MBD5: variants seen among roughly 807,000 people sequenced by gnomAD.
MBD5 encodes the protein methyl-CpG-binding domain protein 5.
MBD5 carries 13 observed loss-of-function variants against 117.3 expected under a neutral mutation model. The ratio of observed to expected loss-of-function variants is 0.11; its 90% CI spans 0.07 to 0.18. The LOEUF is 0.18. Among genes scored for constraint, MBD5 ranks in the 10% least tolerant of loss-of-function variants. The pLI is 1.00. For missense variants in MBD5, 1,879 were observed against 2,093.8 expected (o/e 0.90, Z 2.00); for synonymous variants, 727 against 766.4 (o/e 0.95, Z 0.85).
chr2:148,318,319 C>A (rs920069284), intron 3 of MBD5, among the ~76,000 whole-genome samples: 5 of 148,748 alleles, frequency 3.4e-5, no homozygotes, highest in African/African-American at 1.2e-4. Flanking sequence ...AATTATTTTT[C>A]TTGTGAGTTG....
At chr2:148,088,567 A>T (rs562871101) in intron 1 of MBD5, among the ~76,000 whole-genome samples, 1 of 152,312 alleles carries the variant, frequency 6.6e-6, no homozygotes, top group South Asian at 2.1e-4. Flanking sequence ...AGCCTCTTCA[A>T]ACAAAATAAT....
chr2:148,415,364 G>A lies in MBD5; in HGVS notation c.-556-42839G>A, dbSNP rs1235622588. Among the ~76,000 whole-genome samples, 3 of 152,112 alleles carry A rather than the reference G, an allele frequency of 2.0e-5. No individual in the cohort carries two copies. In the East Asian group the frequency reaches 5.8e-4, roughly 29 times the overall value. ...TTAGCCTGTTGGGGTTCCCTTTGTA[G>A]GTGACCTGCCTCTTCTCTCTTGCTG... On this transcript the variant is annotated intron_variant, in intron 4 of 13. Coordinates refer to ENST00000642680, the MANE Select transcript of MBD5 (RefSeq NM_001378120.1).
At chr2:148,230,113 A>G (rs1379822927) in intron 2 of MBD5, among the ~76,000 whole-genome samples, 1 of 152,220 alleles carries the variant, frequency 6.6e-6, no homozygotes, top group Non-Finnish European at 1.5e-5. Flanking sequence ...AAAGCCAGCC[A>G]GGCCTGTATC....
chr2:148,397,278 A>G (rs1160458206), intron 4 of MBD5, among the ~76,000 whole-genome samples: 1 of 151,274 alleles, frequency 6.6e-6, no homozygotes, highest in East Asian at 1.9e-4. Context: ...TCTCTAGCTA[A>G]TACATGAATG....
chr2:148,489,315 T>G (rs1159004335), intron 10 of MBD5, 71 bp from the exon 11 acceptor site: 4 of 1,575,864 alleles, frequency 2.5e-6, no homozygotes, highest in Middle Eastern at 3.3e-4. Context: ...AATTTTAAAA[T>G]TATAGTCTTT....
intron 1 of MBD5, among the ~76,000 whole-genome samples, chr2:148,064,560 T>A (rs560204192): frequency 2.0e-5 from 3 of 152,280 alleles, no homozygotes; most frequent in South Asian, 4.1e-4. Flanking sequence ...CTAATTTGGC[T>A]GCTAGATACC....
chr2:148,127,482 G>A (rs191001550), intron 1 of MBD5, among the ~76,000 whole-genome samples: 142 of 152,190 alleles, frequency 9.3e-4, no homozygotes, highest in African/African-American at 3.3e-3. Context: ...GAGAACATGT[G>A]GTATTTGGTT....
At chr2:148,149,923 G>A (rs1003643056) in intron 1 of MBD5, among the ~76,000 whole-genome samples, 1 of 142,272 alleles carries the variant, frequency 7.0e-6, no homozygotes, top group African/African-American at 2.6e-5. Context: ...TTCTTTTGCT[G>A]TGCAGAAGCT....
chr2:148,345,054 C>A (rs368784902), intron 4 of MBD5, among the ~76,000 whole-genome samples: 1 of 151,676 alleles, frequency 6.6e-6, no homozygotes, highest in African/African-American at 2.4e-5. Flanking sequence ...AGAAATCAAA[C>A]TTATTTAACC....
intron 4 of MBD5, among the ~76,000 whole-genome samples, chr2:148,419,643 A>C (rs539681361): frequency 1.1e-4 from 16 of 152,180 alleles, no homozygotes; most frequent in Admixed American, 3.3e-4. Flanking sequence ...TCCTGCACCA[A>C]TACTATAGCT....
rs150888519 is a variant in MBD5, at chr2:148,066,833, G to A, written c.-925+45149G>A. Among the ~76,000 whole-genome samples the A allele has an allele frequency of 3.1e-4, 47 of 152,240 alleles. 2 individuals carry two copies. In the East Asian group the frequency reaches 9.1e-3, roughly 29 times the overall value. ...TCAAGCTCTTTCTTCAATGCAGAAT[G>A]TACTTCATTTACCTGCGTTTGTCTC... On this transcript the variant is annotated intron_variant, in intron 1 of 13. Transcript: ENST00000642680.
chr2:148,194,668 C>T (rs1303670440), intron 2 of MBD5, among the ~76,000 whole-genome samples: 1 of 120,372 alleles, frequency 8.3e-6, no homozygotes. Flanking sequence ...CTAGATGACA[C>T]GTTAGTGGGT....
At chr2:148,327,144 T>C (rs946706663) in intron 3 of MBD5, among the ~76,000 whole-genome samples, 1 of 152,100 alleles carries the variant, frequency 6.6e-6, no homozygotes, top group Non-Finnish European at 1.5e-5. Context: ...TTCTTTTCTT[T>C]AAGAATGTTG....
intron 2 of MBD5, among the ~76,000 whole-genome samples, chr2:148,214,245 C>G (rs568056709): frequency 2.6e-5 from 4 of 152,262 alleles, no homozygotes; most frequent in African/African-American, 9.6e-5. Flanking sequence ...TGTGGAGCTA[C>G]TCAACTTTGC....
intron 3 of MBD5, among the ~76,000 whole-genome samples, chr2:148,335,643 C>T (rs1377934725): frequency 6.6e-6 from 1 of 151,748 alleles, no homozygotes; most frequent in Non-Finnish European, 1.5e-5. Context: ...TCACTTGAGC[C>T]CAGAGGTCAA....
intron 4 of MBD5, among the ~76,000 whole-genome samples, chr2:148,399,947 G>T (rs1432011481): frequency 6.6e-6 from 1 of 152,044 alleles, no homozygotes; most frequent in Non-Finnish European, 1.5e-5. Context: ...TTTATATGCT[G>T]GATTACGTTT....
intron 8 of MBD5, among the ~76,000 whole-genome samples, chr2:148,475,505 A>C (rs1263158503): frequency 1.1e-4 from 16 of 152,118 alleles, no homozygotes; most frequent in Admixed American, 1.0e-3. Flanking sequence ...CGTTGAGTCT[A>C]TGTAATCAAA....
intron 3 of MBD5, among the ~76,000 whole-genome samples, chr2:148,312,594 A>T (rs1461600176): frequency 6.6e-6 from 1 of 152,174 alleles, no homozygotes; most frequent in Non-Finnish European, 1.5e-5. Flanking sequence ...TTGGGTTAGA[A>T]CATGCTCCTT....
At chr2:148,197,981 ATTG>A (rs1443437457) in intron 2 of MBD5, among the ~76,000 whole-genome samples, 1 of 151,376 alleles carries the variant, frequency 6.6e-6, no homozygotes, top group Non-Finnish European at 1.5e-5. Context: ...TGCCCAGCTA[ATTG>A]TTGTGTTTTT....
Sources: allele counts gnomAD v4.1 joint callset (sites outside exome capture counted in the v4.1 genomes callset), GRCh38; gene constraint gnomAD v4.1.1; transcripts MANE v1.5; gene names NCBI Gene and HGNC (gene_info 2026-07-23, HGNC 2026-07-21).